DLC1: variants seen among roughly 807,000 people sequenced by gnomAD.
DLC1 encodes rho GTPase-activating protein 7.
A neutral mutation model predicts 140.3 loss-of-function variants in DLC1; 54 were observed. That is an observed-to-expected ratio of 0.38 (90% CI 0.31 to 0.48). The LOEUF (loss-of-function observed/expected upper bound fraction) is 0.48. Ranked by LOEUF, DLC1 falls within the 20% of genes least tolerant of loss-of-function variation. The pLI, the probability that DLC1 is intolerant of heterozygous loss-of-function variation, is 0.96. For missense variants in DLC1, 2,536 were observed against 1,907.0 expected, an observed-to-expected ratio of 1.33 and a Z score of -6.14; for synonymous variants, 986 against 728.1, an observed-to-expected ratio of 1.35 and a Z score of -5.70.
chr8:13,433,530 G>A (rs1169926636), intron 2 of DLC1, among the ~76,000 whole-genome samples: 1 of 152,176 alleles, frequency 6.6e-6, no homozygotes, highest in East Asian at 1.9e-4. Context: ...TTTAAAAAGT[G>A]ATAAATCCAA....
chr8:13,355,084 A>C (rs774005332), intron 4 of DLC1, among the ~76,000 whole-genome samples: 18 of 150,962 alleles, frequency 1.2e-4, no homozygotes, highest in Non-Finnish European at 2.5e-4. Flanking sequence ...ATTAAAAAAT[A>C]CATCATTTTT....
At chr8:13,544,837 G>A (rs1332556836) in intron 1 of DLC1, among the ~76,000 whole-genome samples, 1 of 152,140 alleles carries the variant, frequency 6.6e-6, no homozygotes, top group Non-Finnish European at 1.5e-5. Context: ...TCCAAAATAT[G>A]ATTCAATGTC....
chr8:13,278,335 G>A (rs1831248126), intron 5 of DLC1, among the ~76,000 whole-genome samples: 1 of 152,172 alleles, frequency 6.6e-6, no homozygotes, highest in Non-Finnish European at 1.5e-5. Flanking sequence ...CTTCAAAGAG[G>A]TCTGGGCACC....
intron 4 of DLC1, among the ~76,000 whole-genome samples, chr8:13,346,584 C>T (rs1037304976): frequency 3.9e-5 from 6 of 152,150 alleles, no homozygotes; most frequent in African/African-American, 4.8e-5. Context: ...GTAACTTGAG[C>T]GGCAGGTGCC....
At chr8:13,266,729 A>T (rs888254383) in intron 5 of DLC1, among the ~76,000 whole-genome samples, 2 of 152,156 alleles carry the variant, frequency 1.3e-5, no homozygotes, top group Admixed American at 1.3e-4. Flanking sequence ...TGGGCAATAG[A>T]GAAAGACTTA....
At chr8:13,360,111 C>G (rs183311753) in intron 4 of DLC1, among the ~76,000 whole-genome samples, 1 of 152,170 alleles carries the variant, frequency 6.6e-6, no homozygotes, top group Non-Finnish European at 1.5e-5. Flanking sequence ...TTCAAGCAAG[C>G]TGAGTTTCCT....
At position 13,100,429 on chromosome 8, in the gene DLC1, A is replaced by G. The variant is rs772284502; in HGVS notation, c.1908T>C (p.Ser636=). 1.9e-6 allele frequency: 3 copies of G among 1,614,112 alleles called. No homozygotes were observed. The highest frequency in any genetic ancestry group is 3.3e-5 in the Admixed American group (2 of 60,022). ...CCTTGGGAGAGGGCAGGCTGCCGAAAGAGTCGTCATTGCCTGCCAAGTTGC... is the reference window on the plus strand; with the variant it reads ...CCTTGGGAGAGGGCAGGCTGCCGAAGGAGTCGTCATTGCCTGCCAAGTTGC... The part of the protein sequence containing the change: ...SSSNLAGNDD[S]FGSLPSPKEL... The change falls in exon 9 of 18, where the codon TCT becomes TCC. Residue 636 remains serine, a synonymous_variant. Transcript: ENST00000276297.
chr8:13,157,954 G>T (rs1023913025), intron 5 of DLC1, among the ~76,000 whole-genome samples: 2 of 152,208 alleles, frequency 1.3e-5, no homozygotes, highest in South Asian at 2.1e-4. Context: ...TACAGTAGTA[G>T]AATTCTTTGA....
intron 1 of DLC1, among the ~76,000 whole-genome samples, chr8:13,587,386 C>G (rs558781732): frequency 2.6e-5 from 4 of 152,022 alleles, no homozygotes; most frequent in Non-Finnish European, 4.4e-5. Flanking sequence ...ATCACAGACA[C>G]TTTCCAAACA....
chr8:13,575,511 G>A (rs73563419), intron 1 of DLC1, among the ~76,000 whole-genome samples: 6,095 of 150,386 alleles, frequency 0.041, 225 homozygotes, highest in East Asian at 0.15. Context: ...ACCAAATAAG[G>A]GAGCATATGG....
chr8:13,140,050 C>G (rs1485828432), intron 5 of DLC1, among the ~76,000 whole-genome samples: 3 of 152,128 alleles, frequency 2.0e-5, no homozygotes, highest in African/African-American at 7.2e-5. Flanking sequence ...CAATAAACTC[C>G]TCTTTCTCCC....
At chr8:13,279,061 G>A (rs1218634150) in intron 5 of DLC1, among the ~76,000 whole-genome samples, 1 of 152,204 alleles carries the variant, frequency 6.6e-6, no homozygotes, top group East Asian at 1.9e-4. Flanking sequence ...TGACCCATTA[G>A]TGTTATCTAG....
intron 14 of DLC1, among the ~76,000 whole-genome samples, 181 bp downstream of exon 14, chr8:13,091,137 A>G (rs1381448469): frequency 1.3e-5 from 2 of 152,168 alleles, no homozygotes. Flanking sequence ...CAATTTCATT[A>G]AACATGATTA....
At chr8:13,354,946 C>T (rs1012886435) in intron 4 of DLC1, among the ~76,000 whole-genome samples, 29 of 89,238 alleles carry the variant, frequency 3.2e-4, no homozygotes, top group Non-Finnish European at 2.8e-4. Context: ...GAGTGAGACA[C>T]TGGCTCAAAA....
chr8:13,353,999 C>G (rs1834804785), intron 4 of DLC1, among the ~76,000 whole-genome samples: 1 of 151,934 alleles, frequency 6.6e-6, no homozygotes, highest in South Asian at 2.1e-4. Flanking sequence ...TGACTTTCTT[C>G]ACATTTCCAC....
Position 13,099,367 on chromosome 8 carries a change from A to AG in DLC1, c.2969dup (p.Ser991PhefsTer31). The AG allele has an allele frequency of 6.2e-7, 1 of 1,613,648 alleles. No homozygotes were observed. Among genetic ancestry groups the AG allele is most frequent in the Non-Finnish European group, 8.5e-7 (1 of 1,179,900 alleles). On this transcript the variant is annotated frameshift_variant, in exon 9 of 18. Transcript: ENST00000276297. LOFTEE classifies it high-confidence loss of function. ...CTTACCTGTTGGACCTGGTTAGGGA[A>AG]GCCCCAACCCCAGAATCCCTTCTTT...
At chr8:13,437,220 A>G (rs906621607) in intron 2 of DLC1, among the ~76,000 whole-genome samples, 4 of 152,198 alleles carry the variant, frequency 2.6e-5, no homozygotes, top group Non-Finnish European at 5.9e-5. Context: ...CTCTTGAATG[A>G]AAACATAAAT....
intron 4 of DLC1, among the ~76,000 whole-genome samples, chr8:13,379,129 A>T (rs1836135880): frequency 6.6e-6 from 1 of 152,200 alleles, no homozygotes; most frequent in Admixed American, 6.5e-5. Flanking sequence ...CTGAAATGTC[A>T]AGAAAAACGG....
intron 1 of DLC1, among the ~76,000 whole-genome samples, chr8:13,541,701 C>T (rs767290272): frequency 2.0e-5 from 3 of 152,120 alleles, no homozygotes; most frequent in Non-Finnish European, 4.4e-5. Context: ...AGGCGCCTGC[C>T]ACCAAGCCTG....
Sources: gnomAD v4.1 joint callset for allele counts (sites outside exome capture counted in the v4.1 genomes callset) on GRCh38, gnomAD v4.1.1 for gene constraint, MANE v1.5 for transcripts, NCBI Gene and HGNC (gene_info 2026-07-23, HGNC 2026-07-21) for gene names.